HDAC8: variants seen among roughly 807,000 people sequenced by gnomAD.
HDAC8 encodes the protein histone deacetylase-like 1.
A neutral mutation model predicts 32.2 loss-of-function variants in HDAC8; 1 was observed. That is an observed-to-expected ratio of 0.03 (90% confidence interval 0.01 to 0.15). The LOEUF (loss-of-function observed/expected upper bound fraction) is 0.15, where lower values mean the gene tolerates loss of function less well. Ranked by LOEUF, HDAC8 falls within the 10% of genes least tolerant of loss-of-function variation. HDAC8 has a pLI of 1.00. For synonymous variants in HDAC8, 108 were observed against 113.9 expected (o/e 0.95, Z 0.33); for missense variants, 117 against 300.0 (o/e 0.39, Z 4.51).
intron 4 of HDAC8, among the ~76,000 whole-genome samples, chrX:72,503,386 GA>G (rs1556017178): frequency 8.9e-6 from 1 of 112,038 alleles, no homozygotes; most frequent in Non-Finnish European, 1.9e-5. Context: ...AGGTGGAGTG[GA>G]AAAAGAACTA....
At chrX:72,521,292 T>C (rs1415170291) in intron 4 of HDAC8, among the ~76,000 whole-genome samples, 1 of 111,326 alleles carries the variant, frequency 9.0e-6, no homozygotes, top group Non-Finnish European at 1.9e-5. Flanking sequence ...TTTTTCCCCC[T>C]CTCTCTCGCT....
chrX:72,481,152 C>A (rs1456579582), intron 7 of HDAC8, among the ~76,000 whole-genome samples: 1 of 110,752 alleles, frequency 9.0e-6, no homozygotes, highest in East Asian at 2.8e-4. Flanking sequence ...GAAGGGGAAG[C>A]AAAGATGTCC....
chrX:72,524,690 G>C (rs1261023665), intron 4 of HDAC8, among the ~76,000 whole-genome samples: 1 of 111,179 alleles, frequency 9.0e-6, no homozygotes, highest in Non-Finnish European at 1.9e-5. Context: ...ATCTGATCAA[G>C]TCCCTTCACA....
intron 9 of HDAC8, among the ~76,000 whole-genome samples, chrX:72,359,593 A>G (rs1398684746): frequency 9.0e-6 from 1 of 111,314 alleles, no homozygotes; most frequent in Non-Finnish European, 1.9e-5. Context: ...ACATGATGTG[A>G]CAGGCAATGA....
chrX:72,432,029 G>A (rs1457712575), intron 9 of HDAC8, among the ~76,000 whole-genome samples: 2 of 111,254 alleles, frequency 1.8e-5, no homozygotes, highest in Admixed American at 9.5e-5. Context: ...GGAGTGCAGC[G>A]GCATGATCAT....
At position 72,465,740 on chromosome X, in the gene HDAC8, C is replaced by T. The variant is rs189419439; in HGVS notation, c.738-1009G>A. On this transcript the variant is annotated intron_variant, in intron 7 of 10. Transcript: ENST00000373573. Reference sequence around the variant, plus strand: ...AGGTTAATGACCTCTTCATAATCAACATGTCAAATTACACCAGTGCAGCAA... The same window carrying T: ...AGGTTAATGACCTCTTCATAATCAATATGTCAAATTACACCAGTGCAGCAA... Among the ~76,000 whole-genome samples, 5 of 111,725 alleles carry T rather than the reference C, an allele frequency of 4.5e-5. No homozygotes were observed. In the East Asian group the frequency reaches 1.4e-3, roughly 31 times the overall value.
chrX:72,432,410 A>G (rs1254215801), intron 9 of HDAC8, among the ~76,000 whole-genome samples: 1 of 110,884 alleles, frequency 9.0e-6, no homozygotes, highest in Non-Finnish European at 1.9e-5. Context: ...GTCCCGGCCC[A>G]TTCCATCTCT....
At chrX:72,388,133 T>C (rs1435131190) in intron 9 of HDAC8, among the ~76,000 whole-genome samples, 1 of 110,206 alleles carries the variant, frequency 9.1e-6, no homozygotes, top group Non-Finnish European at 1.9e-5. Context: ...GTGGGAAAAA[T>C]AGATTAGGGC....
intron 7 of HDAC8, among the ~76,000 whole-genome samples, chrX:72,486,961 G>A (rs1372620330): frequency 3.6e-5 from 4 of 111,483 alleles, no homozygotes; most frequent in Non-Finnish European, 7.5e-5. Flanking sequence ...TACCTCTAAT[G>A]AAAACCTGGA....
chrX:72,434,000 T>C (rs937085726), intron 9 of HDAC8, among the ~76,000 whole-genome samples: 1 of 112,733 alleles, frequency 8.9e-6, no homozygotes, highest in African/African-American at 3.2e-5. Flanking sequence ...AATACAATAA[T>C]GCTTTGAGAA....
intron 9 of HDAC8, among the ~76,000 whole-genome samples, chrX:72,357,795 C>T (rs1339989480): frequency 1.8e-5 from 2 of 112,131 alleles, no homozygotes; most frequent in Non-Finnish European, 3.8e-5. Flanking sequence ...CTTCCACCCA[C>T]AGATTTAATG....
intron 4 of HDAC8, among the ~76,000 whole-genome samples, chrX:72,512,166 T>C (rs1383197853): frequency 2.7e-5 from 3 of 111,456 alleles, no homozygotes; most frequent in African/African-American, 9.8e-5. Flanking sequence ...AAGCATGGAA[T>C]ATTTTTGGCC....
intron 4 of HDAC8, among the ~76,000 whole-genome samples, chrX:72,540,164 G>C (rs1556041629): frequency 8.9e-6 from 1 of 112,230 alleles, no homozygotes; most frequent in East Asian, 2.8e-4. Flanking sequence ...CTTGCCTAAA[G>C]ATTCTTTAAG....
chrX:72,369,364 T>C (rs1292821689), intron 9 of HDAC8, among the ~76,000 whole-genome samples: 1 of 111,197 alleles, frequency 9.0e-6, no homozygotes, highest in East Asian at 2.8e-4. Flanking sequence ...TTCCCTATCA[T>C]ATAGGGAGAA....
intron 7 of HDAC8, among the ~76,000 whole-genome samples, chrX:72,465,659 AT>A (rs2047999521): frequency 8.9e-6 from 1 of 112,043 alleles, no homozygotes; most frequent in Non-Finnish European, 1.9e-5. Context: ...ACAAGTGTAA[AT>A]TAAGATACAT....
chrX:72,407,306 A>T (rs2046069517), intron 9 of HDAC8, among the ~76,000 whole-genome samples: 1 of 112,129 alleles, frequency 8.9e-6, no homozygotes, highest in Admixed American at 9.4e-5. Context: ...AAGCCACAGA[A>T]GCTCATGCTG....
At chrX:72,500,479 C>T (rs782566371) in intron 4 of HDAC8, among the ~76,000 whole-genome samples, 7 of 111,741 alleles carry the variant, frequency 6.3e-5, no homozygotes, top group Non-Finnish European at 9.4e-5. Context: ...TCAATATATG[C>T]GAATCAATAA....
chrX:72,345,912 C>T (rs782804784), intron 10 of HDAC8, among the ~76,000 whole-genome samples: 5 of 111,400 alleles, frequency 4.5e-5, no homozygotes, highest in South Asian at 3.8e-4. Context: ...TTGAACTCCT[C>T]GGCTCAAGCA....
intron 7 of HDAC8, among the ~76,000 whole-genome samples, chrX:72,466,432 T>C (rs2048019223): frequency 8.9e-6 from 1 of 111,771 alleles, no homozygotes; most frequent in Non-Finnish European, 1.9e-5. Flanking sequence ...TGGCACAGAG[T>C]AGGGAATAAT....
Sources: gnomAD v4.1 joint callset for allele counts (sites outside exome capture counted in the v4.1 genomes callset) on GRCh38, gnomAD v4.1.1 for gene constraint, MANE v1.5 for transcripts, NCBI Gene and HGNC (gene_info 2026-07-23, HGNC 2026-07-21) for gene names.